DDX6: variants seen among roughly 807,000 people sequenced by gnomAD.
DDX6 encodes the protein DEAD-box helicase 6.
In DDX6, 7 loss-of-function variants were observed where a neutral mutation model predicts 60.6. The observed-to-expected ratio is 0.12, with a 90% confidence interval of 0.07 to 0.22. The LOEUF (loss-of-function observed/expected upper bound fraction) is 0.22. DDX6 is among the 10% of genes least tolerant of loss of function. The pLI, the probability that DDX6 is intolerant of heterozygous loss-of-function variation, is 1.00. For synonymous variants in DDX6, 207 were observed against 201.0 expected (o/e 1.03, Z -0.25); for missense variants, 270 against 589.9 (o/e 0.46, Z 5.62).
chr11:118,787,926 A>G (rs1213182381), intron 1 of DDX6: 1 of 152,096 alleles, frequency 6.6e-6, no homozygotes, highest in Non-Finnish European at 1.5e-5. Context: ...TTAAAAAAAA[A>G]TCCGCGGAAG....
At chr11:118,783,587 G>A (rs1861973782) in intron 2 of DDX6, among the ~76,000 whole-genome samples, 3 of 136,640 alleles carry the variant, frequency 2.2e-5, no homozygotes, top group South Asian at 2.3e-4. Context: ...CAGATCACCT[G>A]AGGTCAGGAA....
At position 118,755,507 on chromosome 11, in the gene DDX6, A is replaced by T. The variant is rs201394807; in HGVS notation, c.1175-4T>A. 17 of 956,338 alleles carry T rather than the reference A, an allele frequency of 1.8e-5. No individual in the cohort carries two copies. In the African/African-American group the frequency reaches 2.2e-4, roughly 12 times the overall value. 59.2% of individuals were successfully genotyped at this position (956,338 alleles called of 1,614,324 possible). A position where few individuals can be genotyped will look rare whatever the true frequency, so the allele number is the denominator to read the frequency against. ...TCAATACCTCGGGTAAACAGATCTT[A>T]AAAAAAAAAAGATAATTTTCATTTT... On this transcript the variant is annotated splice_region_variant and splice_polypyrimidine_tract_variant and intron_variant, in intron 11 of 13. Transcript: ENST00000534980.
intron 2 of DDX6, 125 bp from the exon 3 acceptor site, chr11:118,781,309 T>G: frequency 3.3e-6 from 2 of 599,036 alleles, no homozygotes; most frequent in Non-Finnish European, 5.9e-6. Flanking sequence ...TTAATATATC[T>G]AACAAGATAA....
At chr11:118,776,689 C>T (rs571989090) in intron 4 of DDX6, among the ~76,000 whole-genome samples, 4 of 152,018 alleles carry the variant, frequency 2.6e-5, no homozygotes, top group South Asian at 2.1e-4. Flanking sequence ...AAAAATTAGC[C>T]GGGTGCTGTG....
In DDX6 at chr11:118,750,905, A is replaced by T. The variant is rs1304937984; in HGVS notation, c.*1200T>A. 1 of 152,424 alleles carries T rather than the reference A, an allele frequency of 6.6e-6. No individual in the cohort carries two copies. Among genetic ancestry groups the T allele is most frequent in the Non-Finnish European group, 1.5e-5 (1 of 68,012 alleles). 9.4% of individuals were successfully genotyped at this position (152,424 alleles called of 1,614,324 possible). On this transcript the variant is annotated 3_prime_UTR_variant, in exon 14 of 14. Coordinates refer to ENST00000534980, the MANE Select transcript of DDX6 (RefSeq NM_004397.6). ...CAGATTTCTGGGCCCCTTTACTAACACAGGGTACCATAGAAATCTGCTCTC... is the reference window on the plus strand; with the variant it reads ...CAGATTTCTGGGCCCCTTTACTAACTCAGGGTACCATAGAAATCTGCTCTC...
chr11:118,786,872 T>C (rs936951237), intron 1 of DDX6: 4 of 152,248 alleles, frequency 2.6e-5, no homozygotes, highest in African/African-American at 9.6e-5. Flanking sequence ...TTCATTATAC[T>C]TAATTGCATT....
chr11:118,765,133 A>AC, intron 6 of DDX6, 76 bp downstream of exon 6: 1 of 1,536,718 alleles, frequency 6.5e-7, no homozygotes, highest in Non-Finnish European at 8.9e-7. Flanking sequence ...CTTAAAAACA[A>AC]TTTTTAATAA....
intron 11 of DDX6, among the ~76,000 whole-genome samples, chr11:118,756,010 TCCCCC>T (rs1860957287): frequency 2.5e-5 from 1 of 39,350 alleles, no homozygotes; most frequent in African/African-American, 9.8e-5. Context: ...AAAGATTCCA[TCCCCC>T]TCCCCCCCCC....
chr11:118,786,152 C>G lies in DDX6; in HGVS notation c.100G>C (p.Gly34Arg). The G allele has an allele frequency of 6.2e-7, 1 of 1,613,976 alleles. No homozygotes were observed. The highest frequency in any genetic ancestry group is 2.2e-5 in the East Asian group (1 of 44,888). The change falls in exon 2 of 14, where the codon GGG (glycine) becomes CGG (arginine). Residue 34 changes from glycine to arginine, a missense_variant. Around this residue, in one of 8 missense-constraint regions of DDX6, gnomAD observed 102 missense variants for 110.5 expected, o/e 0.92. Transcript: ENST00000534980. ...ATCTGTTGCTGTGTCTGTGTGCCCC[C>G]TCCTCCAGGGCCACCAGTGGGTTTC... ...PVKPTGGPGG[G>R]GTQTQQQMNQ...
At chr11:118,790,768 G>A (rs890869002) in intron 1 of DDX6, 1 of 151,860 alleles carries the variant, frequency 6.6e-6, no homozygotes, top group Non-Finnish European at 1.5e-5. Context: ...CCAGGCCTTA[G>A]GCCTCCGCCC....
At chr11:118,761,869 A>AAC (rs1861180812) in intron 7 of DDX6, among the ~76,000 whole-genome samples, 1 of 151,768 alleles carries the variant, frequency 6.6e-6, no homozygotes, top group Non-Finnish European at 1.5e-5. Flanking sequence ...TGGAAAAAAA[A>AAC]AAAAAAAAAC....
At position 118,747,846 on chromosome 11, in the gene DDX6, A is replaced by G. The variant is rs1555156138; in HGVS notation, c.*4259T>C. The G allele has an allele frequency of 6.6e-6, 1 of 151,396 alleles. No individual in the cohort carries two copies. Among genetic ancestry groups the G allele is most frequent in the Non-Finnish European group, 1.5e-5 (1 of 67,922 alleles). 9.4% of individuals were successfully genotyped at this position (151,396 alleles called of 1,614,324 possible). The stretch of plus-strand genomic sequence containing the variant: ...ATTTTTGGAACCTTATAAACTCAGC[A>G]GACTCCGGTCCATATATGCGTACAT... On this transcript the variant is annotated 3_prime_UTR_variant, in exon 14 of 14. Transcript: ENST00000534980.
chr11:118,748,067 A>T lies in DDX6; in HGVS notation c.*4038T>A, dbSNP rs1048024. On this transcript the variant is annotated 3_prime_UTR_variant, in exon 14 of 14. Transcript: ENST00000534980. ...TACCATTTTTACTGAACAAAAAATA[A>T]TTTTTTTTCCTGTTTCAAAAAAGGG... is the stretch of plus-strand genomic sequence containing the variant. 0.17 allele frequency: 26,041 copies of T among 151,816 alleles called. 2,488 individuals carry two copies. The highest frequency in any genetic ancestry group is 0.29 in the South Asian group (1,372 of 4,802). 9.4% of individuals were successfully genotyped at this position (151,816 alleles called of 1,614,324 possible).
intron 4 of DDX6, among the ~76,000 whole-genome samples, chr11:118,775,277 T>C (rs962060132): frequency 5.9e-5 from 9 of 152,070 alleles, no homozygotes; most frequent in Admixed American, 2.0e-4. Context: ...GAGCACACCA[T>C]TGCACTCCAG....
chr11:118,763,238 G>C lies in DDX6; in HGVS notation c.715C>G (p.His239Asp). 1 of 1,610,470 alleles carries C rather than the reference G, an allele frequency of 6.2e-7. No individual in the cohort carries two copies. The highest frequency in any genetic ancestry group is 8.5e-7 in the Non-Finnish European group (1 of 1,178,362). The change falls in exon 7 of 14, where the codon CAT (histidine) becomes GAT (aspartate). Residue 239 changes from histidine (H) to aspartate (D), a missense_variant. Coordinates refer to ENST00000534980, the MANE Select transcript of DDX6 (RefSeq NM_004397.6). ...TCATCCAATACTATCATCTGGACAT[G>C]ATCAACCTTTGCTACTCCTTTCTTA... Reference protein sequence around the residue: ...LIKKGVAKVDHVQMIVLDEAD... With the variant: ...LIKKGVAKVDDVQMIVLDEAD...
At chr11:118,784,406 A>G (rs752211862) in intron 2 of DDX6, among the ~76,000 whole-genome samples, 2 of 151,974 alleles carry the variant, frequency 1.3e-5, no homozygotes, top group Non-Finnish European at 2.9e-5. Context: ...CAGTTCAGTA[A>G]CCCAGTGTCA....
chr11:118,768,105 G>C, intron 5 of DDX6, 118 bp downstream of exon 5: 1 of 1,011,140 alleles, frequency 9.9e-7, no homozygotes, highest in Non-Finnish European at 1.4e-6. Flanking sequence ...AACCTGAAAA[G>C]AAAGAATACA....
chr11:118,767,320 C>T (rs1363601377), intron 5 of DDX6, among the ~76,000 whole-genome samples: 1 of 152,162 alleles, frequency 6.6e-6, no homozygotes. Flanking sequence ...AGGTAGGAAA[C>T]TCCTGCTACC....
intron 1 of DDX6, among the ~76,000 whole-genome samples, chr11:118,790,623 A>G (rs1006822795): frequency 6.6e-6 from 1 of 151,638 alleles, no homozygotes; most frequent in Non-Finnish European, 1.5e-5. Context: ...ATATTCCCTC[A>G]TCTTCGATAA....
Sources: allele counts gnomAD v4.1 joint callset (sites outside exome capture counted in the v4.1 genomes callset), GRCh38; gene constraint gnomAD v4.1.1; regional missense constraint gnomAD v4.1.1; transcripts MANE v1.5; gene names NCBI Gene and HGNC (gene_info 2026-07-23, HGNC 2026-07-21).